The following DIP2C variants were observed in gnomAD, a reference collection of about 807,000 sequenced individuals.
DIP2C encodes disco-interacting protein 2 homolog C.
DIP2C carries 33 observed loss-of-function variants against 192.4 expected under a neutral mutation model. That is an observed-to-expected ratio of 0.17 (90% CI 0.13 to 0.23). The LOEUF (loss-of-function observed/expected upper bound fraction) is 0.23. Among genes scored for constraint, DIP2C ranks in the 10% least tolerant of loss-of-function variants. The pLI is 1.00. For missense variants in DIP2C, 1,537 were observed against 2,110.1 expected (o/e 0.73, Z 5.32); for synonymous variants, 979 against 864.1 (o/e 1.13, Z -2.33).
intron 1 of DIP2C, among the ~76,000 whole-genome samples, chr10:568,510 G>T (rs1021919787): frequency 2.6e-5 from 4 of 152,048 alleles, no homozygotes; most frequent in African/African-American, 9.7e-5. Context: ...GCTCACGCCT[G>T]TAATCCCAGC....
chr10:532,558 TGAGAGAGAGAGTATGGGTGTGA>T (rs1847438974), intron 1 of DIP2C, among the ~76,000 whole-genome samples: 5 of 109,394 alleles, frequency 4.6e-5, no homozygotes, highest in African/African-American at 1.2e-4. Flanking sequence ...AGAGTATGGG[TGAGAGAGAGAGTATGGGTGTGA>T]GAGAGAGTAT....
intron 1 of DIP2C, among the ~76,000 whole-genome samples, chr10:528,699 G>T (rs1400212778): frequency 6.6e-6 from 1 of 152,178 alleles, no homozygotes; most frequent in African/African-American, 2.4e-5. Flanking sequence ...GCACGTGCTT[G>T]GATACCACAG....
At chr10:289,150 G>C (rs747916471) in intron 32 of DIP2C, among the ~76,000 whole-genome samples, 6 of 152,192 alleles carry the variant, frequency 3.9e-5, no homozygotes, top group Non-Finnish European at 8.8e-5. Flanking sequence ...AAGCAAAGGA[G>C]AAAGTGCTTG....
At chr10:535,907 C>T (rs1322423497) in intron 1 of DIP2C, among the ~76,000 whole-genome samples, 1 of 152,230 alleles carries the variant, frequency 6.6e-6, no homozygotes, top group Non-Finnish European at 1.5e-5. Context: ...TATATGTATG[C>T]AAATGCCACA....
chr10:648,914 G>A (rs1174530359), intron 1 of DIP2C, among the ~76,000 whole-genome samples: 4 of 149,244 alleles, frequency 2.7e-5, no homozygotes, highest in South Asian at 2.2e-4. Context: ...CTGAGTCCAC[G>A]TCCACATTGG....
chr10:362,732 G>C (rs1589610960), intron 21 of DIP2C, 41 bp from the exon 22 acceptor site: 2 of 1,559,712 alleles, frequency 1.3e-6, no homozygotes, highest in East Asian at 4.5e-5. Context: ...ATAAGAGGAA[G>C]TATAAACAGT....
At chr10:357,690 T>C (rs1589595931) in intron 23 of DIP2C, 138 bp downstream of exon 23, 6 of 619,254 alleles carry the variant, frequency 9.7e-6, no homozygotes, top group African/African-American at 1.8e-5. Flanking sequence ...TCGGGGACGG[T>C]TGCGGACAGT....
intron 3 of DIP2C, among the ~76,000 whole-genome samples, chr10:462,508 G>C (rs968145865): frequency 6.6e-6 from 1 of 152,144 alleles, no homozygotes; most frequent in Non-Finnish European, 1.5e-5. Flanking sequence ...CCAATAACAA[G>C]TTCTGAAATT....
intron 29 of DIP2C, among the ~76,000 whole-genome samples, chr10:334,667 G>C (rs1957671165): frequency 6.6e-6 from 1 of 152,120 alleles, no homozygotes; most frequent in Non-Finnish European, 1.5e-5. Flanking sequence ...GAATTTCCCA[G>C]CATCTGTTGT....
intron 1 of DIP2C, chr10:664,649 G>T (rs974115302): frequency 6.6e-6 from 1 of 152,100 alleles, no homozygotes; most frequent in Non-Finnish European, 1.5e-5. Flanking sequence ...TTGTAAGGAT[G>T]ATTTTTTAAA....
Position 517,251 on chromosome 10 carries a change from T to G in DIP2C, c.86-30721A>C, listed in dbSNP as rs918065964. ...ATCAAACCTTGCTGTCCTTGGCAAATGTACCATGAATTTACTTACTGCCCA... is the reference window on the plus strand; with the variant it reads ...ATCAAACCTTGCTGTCCTTGGCAAAGGTACCATGAATTTACTTACTGCCCA... On this transcript the variant is annotated intron_variant, in intron 1 of 36. Coordinates refer to ENST00000280886, the MANE Select transcript of DIP2C (RefSeq NM_014974.3). Among the ~76,000 whole-genome samples the G allele has an allele frequency of 3.9e-5, 6 of 152,276 alleles. No homozygotes were observed. In the East Asian group the frequency reaches 1.2e-3, roughly 29 times the overall value.
At chr10:320,743 A>G (rs772209695) in intron 31 of DIP2C, among the ~76,000 whole-genome samples, 10 of 152,194 alleles carry the variant, frequency 6.6e-5, no homozygotes, top group Middle Eastern at 3.2e-3. Context: ...ACATAGTGAG[A>G]CCCTGTCTCT....
At chr10:659,907 C>T (rs985005045) in intron 1 of DIP2C, among the ~76,000 whole-genome samples, 2 of 152,182 alleles carry the variant, frequency 1.3e-5, no homozygotes, top group African/African-American at 2.4e-5. Flanking sequence ...TTCATCATCT[C>T]GGAAACTAAA....
intron 1 of DIP2C, among the ~76,000 whole-genome samples, chr10:609,558 T>C (rs1402393461): frequency 6.6e-6 from 1 of 152,190 alleles, no homozygotes; most frequent in East Asian, 1.9e-4. Flanking sequence ...ACAATGTAAG[T>C]CATCTCCTTT....
chr10:338,072 G>A (rs1162191086), intron 29 of DIP2C, among the ~76,000 whole-genome samples: 2 of 152,158 alleles, frequency 1.3e-5, no homozygotes, highest in Admixed American at 6.6e-5. Context: ...AGCTTCAAAT[G>A]TTTTTTAAAA....
At chr10:614,117 G>A (rs1421754015) in intron 1 of DIP2C, among the ~76,000 whole-genome samples, 1 of 152,152 alleles carries the variant, frequency 6.6e-6, no homozygotes, top group African/African-American at 2.4e-5. Context: ...AGCTGACAAC[G>A]CTGCATTCTC....
At chr10:447,325 C>A (rs569315890) in intron 3 of DIP2C, among the ~76,000 whole-genome samples, 2 of 142,936 alleles carry the variant, frequency 1.4e-5, no homozygotes, top group African/African-American at 2.6e-5. Flanking sequence ...TCACCCCTGT[C>A]GATATTCAGG....
At chr10:343,761 A>C (rs1329750905) in intron 28 of DIP2C, among the ~76,000 whole-genome samples, 2 of 152,210 alleles carry the variant, frequency 1.3e-5, no homozygotes, top group African/African-American at 4.8e-5. Context: ...CTCTGTGCAA[A>C]GCACTATTTC....
intron 2 of DIP2C, among the ~76,000 whole-genome samples, chr10:473,907 C>T (rs983556620): frequency 6.6e-6 from 1 of 152,104 alleles, no homozygotes; most frequent in Non-Finnish European, 1.5e-5. Flanking sequence ...TTTGATGGTG[C>T]GTGTGTGGGT....
Sources: allele counts gnomAD v4.1 joint callset (sites outside exome capture counted in the v4.1 genomes callset), GRCh38; gene constraint gnomAD v4.1.1; transcripts MANE v1.5; gene names NCBI Gene and HGNC (gene_info 2026-07-23, HGNC 2026-07-21).